The following SKI variants were observed in gnomAD, a reference collection of about 807,000 sequenced individuals.
SKI encodes the protein SKI proto-oncogene.
Under a neutral mutation model 59.3 loss-of-function variants are expected in SKI, and 23 were observed. The ratio of observed to expected loss-of-function variants is 0.39; its 90% confidence interval spans 0.28 to 0.55. SKI has a LOEUF of 0.55. Ranked by LOEUF, SKI falls within the 20% of genes least tolerant of loss-of-function variation. The probability of loss-of-function intolerance (pLI) is 0.67; values close to 1 mark genes in which losing one functional copy is unlikely to be tolerated. For missense variants in SKI, 1,017 were observed against 1,038.9 expected, an observed-to-expected ratio of 0.98 and a Z score of 0.29; for synonymous variants, 673 against 488.6, an observed-to-expected ratio of 1.38 and a Z score of -4.98.
In SKI at chr1:2,309,305, T is replaced by C. The variant is rs1640683820; in HGVS notation, c.*2540T>C. 1 of 152,172 alleles carries C rather than the reference T, an allele frequency of 6.6e-6. No individual in the cohort carries two copies. Among genetic ancestry groups the C allele is most frequent in the Non-Finnish European group, 1.5e-5 (1 of 68,044 alleles). 9.4% of individuals were successfully genotyped at this position (152,172 alleles called of 1,614,324 possible). On this transcript the variant is annotated 3_prime_UTR_variant, in exon 7 of 7. Coordinates refer to ENST00000378536, the MANE Select transcript of SKI (RefSeq NM_003036.4). ...TCATCTAAGTGATTGTGTATTCAGT[T>C]TAATTCTCATTATATTTCTATACTG... is the stretch of plus-strand genomic sequence containing the variant.
At chr1:2,260,303 G>A (rs1004964349) in intron 1 of SKI, among the ~76,000 whole-genome samples, 2 of 152,108 alleles carry the variant, frequency 1.3e-5, no homozygotes, top group African/African-American at 4.8e-5. Flanking sequence ...GCCACCATAT[G>A]TCTTCTTTGG....
At chr1:2,232,154 A>C (rs1448989680) in intron 1 of SKI, among the ~76,000 whole-genome samples, 1 of 152,116 alleles carries the variant, frequency 6.6e-6, no homozygotes, top group Non-Finnish European at 1.5e-5. Flanking sequence ...TATTCTCGGG[A>C]TATGTTTTGA....
intron 1 of SKI, among the ~76,000 whole-genome samples, chr1:2,243,316 G>A (rs1230371172): frequency 6.6e-6 from 1 of 152,252 alleles, no homozygotes. Context: ...CGTACCACCT[G>A]CTTCATCCCC....
intron 1 of SKI, among the ~76,000 whole-genome samples, chr1:2,244,888 A>G (rs1270785706): frequency 6.6e-6 from 1 of 152,254 alleles, no homozygotes; most frequent in Admixed American, 6.5e-5. Context: ...TTTGTATCAA[A>G]CAAAATATAC....
chr1:2,272,803 G>T (rs1001585440), intron 1 of SKI, among the ~76,000 whole-genome samples: 5 of 151,808 alleles, frequency 3.3e-5, no homozygotes, highest in African/African-American at 1.2e-4. Flanking sequence ...CCCTGGGACC[G>T]GTGAGGCAGT....
chr1:2,266,260 G>A (rs1230027093), intron 1 of SKI, among the ~76,000 whole-genome samples: 1 of 152,180 alleles, frequency 6.6e-6, no homozygotes, highest in African/African-American at 2.4e-5. Context: ...CTTTGTGGGT[G>A]ACTCTTCCCC....
chr1:2,288,214 T>G (rs1640086719), intron 1 of SKI, among the ~76,000 whole-genome samples: 1 of 152,182 alleles, frequency 6.6e-6, no homozygotes. Context: ...CTCGAACTTC[T>G]GACCTCAGGT....
rs1640679881 is a variant in SKI, at chr1:2,309,171, G to T, written c.*2406G>T. Reference sequence around the variant, plus strand: ...GACTGAGGGGTCCCAGGCCCCGAGGGGTGCACGCCTGGCTCCCCTTGGCAC... The same window carrying T: ...GACTGAGGGGTCCCAGGCCCCGAGGTGTGCACGCCTGGCTCCCCTTGGCAC... On this transcript the variant is annotated 3_prime_UTR_variant, in exon 7 of 7. Transcript: ENST00000378536. The T allele has an allele frequency of 6.6e-6, 1 of 152,230 alleles. No individual in the cohort carries two copies. The allele number at this position is 152,230 out of a possible 1,614,324, so 9.4% of individuals were successfully genotyped here.
intron 1 of SKI, among the ~76,000 whole-genome samples, chr1:2,236,707 T>C (rs2100802117): frequency 2.0e-5 from 3 of 152,314 alleles, no homozygotes; most frequent in Admixed American, 2.0e-4. Flanking sequence ...GCCTGGCCAT[T>C]GTTCCACCTT....
At chr1:2,280,135 C>G (rs984887731) in intron 1 of SKI, among the ~76,000 whole-genome samples, 1 of 151,550 alleles carries the variant, frequency 6.6e-6, no homozygotes, top group East Asian at 1.9e-4. Context: ...TTTGGGAGGC[C>G]GAGGCGGGTG....
intron 1 of SKI, among the ~76,000 whole-genome samples, chr1:2,242,927 T>C (rs1006476087): frequency 6.6e-6 from 1 of 152,258 alleles, no homozygotes; most frequent in African/African-American, 2.4e-5. Context: ...TATTGTGACA[T>C]GCTTGTAAGA....
intron 1 of SKI, among the ~76,000 whole-genome samples, chr1:2,295,027 C>T (rs1011303430): frequency 3.9e-5 from 6 of 152,258 alleles, no homozygotes; most frequent in African/African-American, 1.4e-4. Flanking sequence ...GCCCCTGGCT[C>T]AGATGGAGCT....
In SKI at chr1:2,268,927, C is replaced by T. The variant is rs916214527; in HGVS notation, c.970-34051C>T. Among the ~76,000 whole-genome samples the T allele has an allele frequency of 6.6e-6, 1 of 151,772 alleles. No homozygotes were observed. Among genetic ancestry groups the T allele is most frequent in the African/African-American group, 2.4e-5 (1 of 41,308 alleles). On this transcript the variant is annotated intron_variant, in intron 1 of 6. Transcript: ENST00000378536. The surrounding 1 kb of genome is among the most constrained non-coding windows in gnomAD (Gnocchi z 5.0). ...GTCCATTTCCCTTTTCCCTCCCTCC[C>T]TCTCTTTCCTTCTCTCCTTCTCTCC...
chr1:2,292,561 G>A (rs1158293010), intron 1 of SKI, among the ~76,000 whole-genome samples: 1 of 152,242 alleles, frequency 6.6e-6, no homozygotes, highest in African/African-American at 2.4e-5. Context: ...GTAGCAGTGT[G>A]GGGGCAGCTC....
intron 1 of SKI, among the ~76,000 whole-genome samples, chr1:2,258,172 A>T (rs1639312260): frequency 6.6e-6 from 1 of 152,232 alleles, no homozygotes; most frequent in Non-Finnish European, 1.5e-5. Context: ...GGACAGCCAG[A>T]TGTTATTGTC....
intron 1 of SKI, among the ~76,000 whole-genome samples, chr1:2,280,097 G>A (rs959606774): frequency 7.2e-5 from 11 of 152,116 alleles, no homozygotes; most frequent in African/African-American, 2.7e-4. Context: ...GGCTGGGTGT[G>A]GTGGCTCATG....
In SKI at chr1:2,306,031, C is replaced by A; in HGVS notation, c.1779C>A (p.Phe593Leu). 1 of 1,583,202 alleles carries A rather than the reference C, an allele frequency of 6.3e-7. No homozygotes were observed. The highest frequency in any genetic ancestry group is 8.6e-7 in the Non-Finnish European group (1 of 1,166,480). ...AKRSLHQELE[F>L]LRVAKKEKLR... ...CCTCCGGCCCCCAGGAGCTGGAGTTCCTACGCGTGGCCAAGAAGGAGAAGC... is the reference window on the plus strand; with the variant it reads ...CCTCCGGCCCCCAGGAGCTGGAGTTACTACGCGTGGCCAAGAAGGAGAAGC... Residue 593 changes from phenylalanine to leucine, a missense_variant, in exon 6 of 7, where the codon TTC becomes TTA. Phe to Leu is a conservative substitution (Grantham distance 22, BLOSUM62 0). Coordinates refer to ENST00000378536, the MANE Select transcript of SKI (RefSeq NM_003036.4).
chr1:2,304,436 G>C lies in SKI; in HGVS notation c.1618G>C (p.Ala540Pro). 1 of 1,560,454 alleles carries C rather than the reference G, an allele frequency of 6.4e-7. No homozygotes were observed. The highest frequency in any genetic ancestry group is 8.7e-7 in the Non-Finnish European group (1 of 1,153,270). Residue 540 changes from alanine to proline, a missense_variant, in exon 5 of 7, where the codon GCG becomes CCG. Transcript: ENST00000378536. ...APADAPSGLE[A>P]ELEHLRQALE... ...TGCCGACGCCCCCAGTGGGCTGGAG[G>C]CGGAGCTGGAGCACCTGCGGCAGGC... is the stretch of plus-strand genomic sequence containing the variant.
chr1:2,258,447 G>A (rs1044006493), intron 1 of SKI, among the ~76,000 whole-genome samples: 1 of 151,556 alleles, frequency 6.6e-6, no homozygotes, highest in African/African-American at 2.4e-5. Flanking sequence ...TTTAAAAAGA[G>A]TTGAAACTTG....
Sources: allele counts gnomAD v4.1 joint callset (sites outside exome capture counted in the v4.1 genomes callset), GRCh38; gene constraint gnomAD v4.1.1; non-coding constraint Gnocchi (gnomAD v3.1); transcripts MANE v1.5; gene names NCBI Gene and HGNC (gene_info 2026-07-23, HGNC 2026-07-21).